Variants in GLIS1 observed in about 807,000 individuals in gnomAD.
GLIS1 encodes GLIS family zinc finger 1.
A neutral mutation model predicts 63.8 loss-of-function variants in GLIS1; 24 were observed. The observed-to-expected ratio is 0.38, with a 90% CI of 0.27 to 0.53. The LOEUF is 0.53. Among genes scored for constraint, GLIS1 ranks in the 20% least tolerant of loss-of-function variants. The probability of loss-of-function intolerance (pLI) is 0.85; values close to 1 mark genes in which losing one functional copy is unlikely to be tolerated. For missense variants in GLIS1, 1,036 were observed against 1,074.1 expected (o/e 0.96, Z 0.50); for synonymous variants, 450 against 482.5 (o/e 0.93, Z 0.88).
intron 4 of GLIS1, among the ~76,000 whole-genome samples, chr1:53,543,449 G>A (rs1420253129): frequency 6.6e-6 from 1 of 152,150 alleles, no homozygotes; most frequent in Non-Finnish European, 1.5e-5. Context: ...GGGCCCCTGA[G>A]GAGTGAGAGC....
At chr1:53,596,405 A>C (rs1398354874) in intron 3 of GLIS1, among the ~76,000 whole-genome samples, 1 of 152,166 alleles carries the variant, frequency 6.6e-6, no homozygotes, top group Non-Finnish European at 1.5e-5. Context: ...TAGGCAGAAC[A>C]GGGAGCCTGG....
chr1:53,619,630 G>T (rs778255844), intron 2 of GLIS1, among the ~76,000 whole-genome samples: 4 of 152,196 alleles, frequency 2.6e-5, no homozygotes, highest in Non-Finnish European at 5.9e-5. Flanking sequence ...TCATCCCCAG[G>T]GCTGGTGATT....
chr1:53,722,677 C>CA (rs1443605007), intron 2 of GLIS1, among the ~76,000 whole-genome samples: 3 of 151,584 alleles, frequency 2.0e-5, no homozygotes, highest in African/African-American at 7.3e-5. Context: ...CCTGTCTCTA[C>CA]AAAAAAATTA....
chr1:53,615,605 A>AT (rs1183763319), intron 2 of GLIS1, among the ~76,000 whole-genome samples: 1 of 152,082 alleles, frequency 6.6e-6, no homozygotes, highest in Non-Finnish European at 1.5e-5. Flanking sequence ...AACTTCTCAG[A>AT]TTTTACCTTT....
chr1:53,665,275 G>T (rs1646078914), intron 2 of GLIS1, among the ~76,000 whole-genome samples: 1 of 152,148 alleles, frequency 6.6e-6, no homozygotes, highest in Non-Finnish European at 1.5e-5. Context: ...CAAAGCTTCT[G>T]GCCTGGGCAA....
chr1:53,712,162 T>C (rs1380847457), intron 2 of GLIS1, among the ~76,000 whole-genome samples: 2 of 152,128 alleles, frequency 1.3e-5, no homozygotes, highest in Non-Finnish European at 2.9e-5. Flanking sequence ...CTACCCAACA[T>C]ACCAGCTCTT....
chr1:53,506,863 G>T (rs1644239589), intron 10 of GLIS1, 87 bp from the exon 11 acceptor site: 3 of 1,321,576 alleles, frequency 2.3e-6, no homozygotes, highest in Non-Finnish European at 3.1e-6. Flanking sequence ...CACCCCGCCT[G>T]CCCAGGGTCA....
At chr1:53,617,793 AG>A (rs1645498190) in intron 2 of GLIS1, among the ~76,000 whole-genome samples, 1 of 152,256 alleles carries the variant, frequency 6.6e-6, no homozygotes, top group Admixed American at 6.5e-5. Context: ...AGTTCAAAGA[AG>A]GCCCTGTTAA....
At position 53,509,939 on chromosome 1, in the gene GLIS1, G is replaced by C. The variant is rs1644281712; in HGVS notation, c.1972C>G (p.Pro658Ala). ...PLPPSSQSHSPGGQPFPTLPS... is the reference protein window; with the variant it reads ...PLPPSSQSHSAGGQPFPTLPS... Reference sequence around the variant, plus strand: ...AGTGTGGGGAAGGGCTGGCCCCCCGGAGAATGGCTCTGAGAGGATGGGGGC... The same window carrying C: ...AGTGTGGGGAAGGGCTGGCCCCCCGCAGAATGGCTCTGAGAGGATGGGGGC... The change falls in exon 9 of 11, where the codon CCG (proline) becomes GCG (alanine). Residue 658 changes from proline (P) to alanine (A), a missense_variant. By Grantham distance (27) the Pro-to-Ala change is conservative. This residue lies in a region of GLIS1 where 400 missense variants were observed against 400.9 expected (regional missense o/e 1.00). Transcript: ENST00000628545. The C allele has an allele frequency of 7.7e-7, 1 of 1,304,470 alleles. No homozygotes were observed. The highest frequency in any genetic ancestry group is 1.5e-5 in the African/African-American group (1 of 66,266). The allele number at this position is 1,304,470 out of a possible 1,614,324, so 80.8% of individuals were successfully genotyped here. A position where few individuals can be genotyped will look rare whatever the true frequency, so the allele number is the denominator to read the frequency against.
At chr1:53,686,943 A>C (rs974133166) in intron 2 of GLIS1, among the ~76,000 whole-genome samples, 1 of 152,132 alleles carries the variant, frequency 6.6e-6, no homozygotes, top group East Asian at 1.9e-4. Context: ...ACTTCCTGAC[A>C]GTGTTGAGCC....
intron 2 of GLIS1, among the ~76,000 whole-genome samples, chr1:53,644,200 G>C (rs2100300384): frequency 6.6e-6 from 1 of 152,232 alleles, no homozygotes; most frequent in Non-Finnish European, 1.5e-5. Flanking sequence ...AGGCTGCCGG[G>C]TCACCCTCCC....
chr1:53,620,221 C>A (rs930963116), intron 2 of GLIS1, among the ~76,000 whole-genome samples: 1 of 152,212 alleles, frequency 6.6e-6, no homozygotes, highest in South Asian at 2.1e-4. Context: ...TTCACGTTTA[C>A]ACAGATGACC....
At position 53,506,571 on chromosome 1, in the gene GLIS1, G is replaced by A. The variant is rs367690731; in HGVS notation, c.*48C>T. 17 of 1,584,788 alleles carry A rather than the reference G, an allele frequency of 1.1e-5. No homozygotes were observed. The highest frequency in any genetic ancestry group is 8.1e-5 in the African/African-American group (6 of 74,426). On this transcript the variant is annotated 3_prime_UTR_variant, in exon 11 of 11. Transcript: ENST00000628545. The stretch of plus-strand genomic sequence containing the variant: ...AGGGTGGGAGCGACAGCAGGTGGGC[G>A]AGGTGGCATCTGCAGTGCTGGATGG...
At position 53,598,117 on chromosome 1, in the gene GLIS1, C is replaced by T. The variant is rs895669414; in HGVS notation, c.437+1984G>A. 6.6e-6 allele frequency among the ~76,000 whole-genome samples: 1 copy of T among 152,128 alleles called. No individual in the cohort carries two copies. The highest frequency in any genetic ancestry group is 6.6e-5 in the Admixed American group (1 of 15,266). ...CTCCTTGCTATGGACTGATTTGTGTCCCCCCAAAATTTATACATTGAAGCC... is the reference window on the plus strand; with the variant it reads ...CTCCTTGCTATGGACTGATTTGTGTTCCCCCAAAATTTATACATTGAAGCC... On this transcript the variant is annotated intron_variant, in intron 3 of 10. Transcript: ENST00000628545. The surrounding 1 kb of genome is among the most constrained non-coding windows in gnomAD (Gnocchi z 4.6).
intron 2 of GLIS1, among the ~76,000 whole-genome samples, chr1:53,730,998 G>A (rs370233999): frequency 8.5e-5 from 13 of 152,164 alleles, no homozygotes; most frequent in Admixed American, 7.2e-4. Context: ...GGGGAAGCAC[G>A]TATTCTATAA....
chr1:53,548,057 G>A (rs1451628161), intron 4 of GLIS1, among the ~76,000 whole-genome samples: 2 of 152,218 alleles, frequency 1.3e-5, no homozygotes, highest in African/African-American at 4.8e-5. Context: ...CCTCCCTGCT[G>A]GCCGCATCCT....
chr1:53,579,839 C>G (rs1444409314), intron 4 of GLIS1, among the ~76,000 whole-genome samples: 1 of 152,226 alleles, frequency 6.6e-6, no homozygotes, highest in African/African-American at 2.4e-5. Flanking sequence ...CCCTGCCGCT[C>G]AGCCAGCTCC....
rs968068280 is a variant in GLIS1, at chr1:53,539,718, G to A, written c.1321-9766C>T. On this transcript the variant is annotated intron_variant, in intron 4 of 10. Coordinates refer to ENST00000628545, the MANE Select transcript of GLIS1 (RefSeq NM_001367484.1). The surrounding 1 kb of genome is among the most constrained non-coding windows in gnomAD (Gnocchi z 5.0). ...CTAACCCCCACCCACCAGCCACACC[G>A]ACACACTGCCCCACGCATAGCACAG... Among the ~76,000 whole-genome samples the A allele has an allele frequency of 6.6e-6, 1 of 152,030 alleles. No individual in the cohort carries two copies. The highest frequency in any genetic ancestry group is 1.5e-5 in the Non-Finnish European group (1 of 67,998).
chr1:53,723,120 G>A (rs928284848), intron 2 of GLIS1, among the ~76,000 whole-genome samples: 1 of 151,614 alleles, frequency 6.6e-6, no homozygotes, highest in Non-Finnish European at 1.5e-5. Context: ...GTGACAGAGT[G>A]AGACTCTGTC....
Sources: gnomAD v4.1 joint callset for allele counts (sites outside exome capture counted in the v4.1 genomes callset) on GRCh38, gnomAD v4.1.1 for gene constraint, gnomAD v4.1.1 regional missense constraint, Gnocchi (gnomAD v3.1) non-coding constraint, MANE v1.5 for transcripts, NCBI Gene and HGNC (gene_info 2026-07-23, HGNC 2026-07-21) for gene names.